The following RIMBP2 variants were observed in gnomAD, a reference collection of about 807,000 sequenced individuals.
The protein encoded by RIMBP2 is RIMS binding protein 2.
A neutral mutation model predicts 118.6 loss-of-function variants in RIMBP2; 48 were observed. The ratio of observed to expected loss-of-function variants is 0.40; its 90% CI spans 0.32 to 0.51. The LOEUF (loss-of-function observed/expected upper bound fraction) is 0.51. RIMBP2 is among the 20% of genes least tolerant of loss of function. The pLI, the probability that RIMBP2 is intolerant of heterozygous loss-of-function variation, is 0.41. For missense variants in RIMBP2, 1,551 were observed against 1,768.3 expected (o/e 0.88, Z 2.20); for synonymous variants, 762 against 742.9 (o/e 1.03, Z -0.42).
At position 130,469,696 on chromosome 12, in the gene RIMBP2, G is replaced by A. The variant is rs1413444128; in HGVS notation, c.153+997C>T. Among the ~76,000 whole-genome samples, 1 of 152,196 alleles carries A rather than the reference G, an allele frequency of 6.6e-6. No homozygotes were observed. Among genetic ancestry groups the A allele is most frequent in the Non-Finnish European group, 1.5e-5 (1 of 68,038 alleles). On this transcript the variant is annotated intron_variant, in intron 6 of 22. Coordinates refer to ENST00000690449, the MANE Select transcript of RIMBP2 (RefSeq NM_001393629.1). The surrounding 1 kb of genome is among the most constrained non-coding windows in gnomAD (Gnocchi z 4.8). ...GAATAGACTTTAAAAGGCAACGTAA[G>A]AGATGCACATAGCCCGTTTTAAGTG...
intron 2 of RIMBP2, among the ~76,000 whole-genome samples, chr12:130,590,120 A>G (rs1026164599): frequency 1.3e-5 from 2 of 152,234 alleles, no homozygotes; most frequent in Non-Finnish European, 2.9e-5. Flanking sequence ...CTTCTACACC[A>G]GGAAGGCAAT....
chr12:130,413,714 G>A (rs1269924523), intron 18 of RIMBP2, among the ~76,000 whole-genome samples: 3 of 150,890 alleles, frequency 2.0e-5, no homozygotes, highest in Non-Finnish European at 4.4e-5. Flanking sequence ...AAAGAACTAA[G>A]GCATGGAACT....
chr12:130,664,455 A>ACG lies in RIMBP2; in HGVS notation c.-351-36000_-351-35999insCG, dbSNP rs1491256422. On this transcript the variant is annotated intron_variant, in intron 1 of 22. Coordinates refer to ENST00000690449, the MANE Select transcript of RIMBP2 (RefSeq NM_001393629.1). ...TGCATGCACGCACACACGCACACAC[A>ACG]TGCACGCACACACACGCACGCACAC... Among the ~76,000 whole-genome samples the ACG allele has an allele frequency of 2.0e-3, 148 of 72,846 alleles. 1 individual carries two copies. Among genetic ancestry groups the ACG allele is most frequent in the East Asian group, 5.5e-3 (16 of 2,918 alleles). 47.8% of individuals were successfully genotyped at this position (72,846 alleles called of 152,430 possible). A position where few individuals can be genotyped will look rare whatever the true frequency, so the allele number is the denominator to read the frequency against.
rs115057835 is a variant in RIMBP2 at position 130,522,606 on chromosome 12, G to A, written c.-216-4689C>T. 2.3e-3 allele frequency among the ~76,000 whole-genome samples: 354 copies of A among 152,324 alleles called. 1 individual carries two copies. Among genetic ancestry groups the A allele is most frequent in the East Asian group, 4.1e-3 (21 of 5,176 alleles). ...TACAGGCGGAATTCGACTTCAAGGCGGGGCGCTGCGTAAAAGCAGCTGGAC... is the reference window on the plus strand; with the variant it reads ...TACAGGCGGAATTCGACTTCAAGGCAGGGCGCTGCGTAAAAGCAGCTGGAC... On this transcript the variant is annotated intron_variant, in intron 2 of 22. Transcript: ENST00000690449.
At chr12:130,597,240 TTTTA>T (rs553626344) in intron 2 of RIMBP2, among the ~76,000 whole-genome samples, 5 of 152,238 alleles carry the variant, frequency 3.3e-5, no homozygotes, top group East Asian at 1.9e-4. Context: ...TCGTTTTTAT[TTTTA>T]TTTATTTATT....
chr12:130,681,034 T>C (rs1172702995), intron 1 of RIMBP2, among the ~76,000 whole-genome samples: 2 of 152,234 alleles, frequency 1.3e-5, no homozygotes, highest in Non-Finnish European at 2.9e-5. Context: ...AATTAATAAT[T>C]GGTATCAGGA....
chr12:130,423,000 G>T lies in RIMBP2; in HGVS notation c.3130-439C>A, dbSNP rs189486332. On this transcript the variant is annotated intron_variant, in intron 16 of 22. Coordinates refer to ENST00000690449, the MANE Select transcript of RIMBP2 (RefSeq NM_001393629.1). The surrounding 1 kb of genome is among the most constrained non-coding windows in gnomAD (Gnocchi z 5.2). ...CTCCTGTCCTGCTTGGATAAAAGTC[G>T]TATGTGAGGTTTCAAAAAACTGAAA... Among the ~76,000 whole-genome samples the T allele has an allele frequency of 1.3e-5, 2 of 152,128 alleles. No homozygotes were observed. The highest frequency in any genetic ancestry group is 2.4e-5 in the African/African-American group (1 of 41,416).
At chr12:130,484,070 G>A (rs1401100336) in intron 4 of RIMBP2, among the ~76,000 whole-genome samples, 2 of 152,200 alleles carry the variant, frequency 1.3e-5, no homozygotes, top group African/African-American at 4.8e-5. Flanking sequence ...GACTGGAGGC[G>A]AAACATCTCT....
intron 1 of RIMBP2, among the ~76,000 whole-genome samples, chr12:130,650,498 G>C (rs2063185390): frequency 6.6e-6 from 1 of 152,264 alleles, no homozygotes; most frequent in South Asian, 2.1e-4. Context: ...CCCTGCCATA[G>C]GGCGTGACCC....
intron 5 of RIMBP2, 138 bp downstream of exon 5, chr12:130,478,774 G>A: frequency 1.6e-6 from 1 of 626,488 alleles, no homozygotes; most frequent in South Asian, 1.9e-5. Context: ...AAATGACTCT[G>A]AATTCTTCTG....
At chr12:130,429,482 C>G (rs553925206) in intron 14 of RIMBP2, 22 of 152,246 alleles carry the variant, frequency 1.4e-4, no homozygotes, top group African/African-American at 5.3e-4. Flanking sequence ...GCAAAGTAAA[C>G]CTTCGACAAC....
Position 130,399,667 on chromosome 12 carries a change from A to G in RIMBP2, c.3900+12T>C. The stretch of plus-strand genomic sequence containing the variant: ...GGGACAGAGATTAAAAAGGCTAAAT[A>G]GGTTTGCTTACCCTTTTTGCCTTTG... On this transcript the variant is annotated intron_variant, in intron 22 of 22. Transcript: ENST00000690449. 1.2e-6 allele frequency: 2 copies of G among 1,613,986 alleles called. No individual in the cohort carries two copies. The highest frequency in any genetic ancestry group is 4.5e-5 in the East Asian group (2 of 44,882).
intron 1 of RIMBP2, among the ~76,000 whole-genome samples, chr12:130,706,025 C>A (rs1464228040): frequency 6.6e-6 from 1 of 152,226 alleles, no homozygotes; most frequent in East Asian, 1.9e-4. Context: ...TCAGAGGACC[C>A]GTTTCTGGGA....
chr12:130,520,090 G>GTT (rs2051919519), intron 2 of RIMBP2, among the ~76,000 whole-genome samples: 1 of 152,186 alleles, frequency 6.6e-6, no homozygotes, highest in East Asian at 1.9e-4. Context: ...CAAGAAAGGA[G>GTT]CACAGGGAAG....
At chr12:130,616,618 C>T (rs1392403308) in intron 2 of RIMBP2, among the ~76,000 whole-genome samples, 1 of 152,152 alleles carries the variant, frequency 6.6e-6, no homozygotes, top group Non-Finnish European at 1.5e-5. Context: ...GGACACCATC[C>T]TAGGAGACAA....
At chr12:130,449,792 C>G (rs2078841593) in intron 9 of RIMBP2, among the ~76,000 whole-genome samples, 1 of 152,016 alleles carries the variant, frequency 6.6e-6, no homozygotes, top group African/African-American at 2.4e-5. Flanking sequence ...GGCGGCCAGG[C>G]AGGATGGAGG....
chr12:130,601,553 T>C (rs1170371412), intron 2 of RIMBP2, among the ~76,000 whole-genome samples: 2 of 152,122 alleles, frequency 1.3e-5, no homozygotes, highest in African/African-American at 2.4e-5. Flanking sequence ...CAAGGCATCA[T>C]TCAGCCCAGT....
At chr12:130,712,047 G>T (rs1949955545) in intron 1 of RIMBP2, among the ~76,000 whole-genome samples, 1 of 152,188 alleles carries the variant, frequency 6.6e-6, no homozygotes, top group Non-Finnish European at 1.5e-5. Flanking sequence ...ATAAAGCATG[G>T]TGCACCTGTA....
chr12:130,652,914 C>CA (rs1449380880), intron 1 of RIMBP2, among the ~76,000 whole-genome samples: 1 of 152,192 alleles, frequency 6.6e-6, no homozygotes, highest in African/African-American at 2.4e-5. Context: ...AGTGAGGACT[C>CA]ACAATGGTGC....
Sources: gnomAD v4.1 joint callset for allele counts (sites outside exome capture counted in the v4.1 genomes callset) on GRCh38, gnomAD v4.1.1 for gene constraint, Gnocchi (gnomAD v3.1) non-coding constraint, MANE v1.5 for transcripts, NCBI Gene and HGNC (gene_info 2026-07-23, HGNC 2026-07-21) for gene names.